ABTB2: variants seen among roughly 807,000 people sequenced by gnomAD.
ABTB2 encodes ankyrin repeat and BTB/POZ domain-containing protein 2.
ABTB2 carries 56 observed loss-of-function variants against 104.1 expected under a neutral mutation model. That is an observed-to-expected ratio of 0.54 (90% CI 0.43 to 0.67). The LOEUF (loss-of-function observed/expected upper bound fraction) is 0.67. Ranked by LOEUF, ABTB2 falls within the 30% of genes least tolerant of loss-of-function variation. The probability of loss-of-function intolerance (pLI) is 0.00; values close to 1 mark genes in which losing one functional copy is unlikely to be tolerated. For missense variants in ABTB2, 1,279 were observed against 1,407.7 expected (o/e 0.91, Z 1.46); for synonymous variants, 606 against 608.2 (o/e 1.00, Z 0.05).
At chr11:34,354,146 G>A (rs1333611603) in intron 1 of ABTB2, among the ~76,000 whole-genome samples, 2 of 152,206 alleles carry the variant, frequency 1.3e-5, no homozygotes, top group African/African-American at 4.8e-5. Flanking sequence ...CTAAGTGGAA[G>A]TGAATGGTCA....
chr11:34,260,160 T>C (rs150821606), intron 1 of ABTB2, among the ~76,000 whole-genome samples: 1,555 of 152,268 alleles, frequency 0.01, 28 homozygotes, highest in African/African-American at 0.036. Flanking sequence ...CTGGAATAAT[T>C]GCTTTCCTGG....
intron 1 of ABTB2, among the ~76,000 whole-genome samples, chr11:34,327,431 A>C (rs1350717332): frequency 6.6e-6 from 1 of 152,108 alleles, no homozygotes; most frequent in Non-Finnish European, 1.5e-5. Flanking sequence ...CCCCCTAGCC[A>C]CTTGAGGGCC....
intron 3 of ABTB2, among the ~76,000 whole-genome samples, chr11:34,179,824 T>C (rs1422211086): frequency 1.3e-5 from 2 of 152,188 alleles, no homozygotes; most frequent in Non-Finnish European, 2.9e-5. Flanking sequence ...ATGGCCTGGG[T>C]TGGAATCCAG....
At chr11:34,246,084 C>T (rs1853980266) in intron 1 of ABTB2, among the ~76,000 whole-genome samples, 1 of 152,200 alleles carries the variant, frequency 6.6e-6, no homozygotes, top group Non-Finnish European at 1.5e-5. Flanking sequence ...GGGCGTGGGG[C>T]CTGCTGGATC....
chr11:34,255,477 G>C (rs1468536287), intron 1 of ABTB2, among the ~76,000 whole-genome samples: 3 of 152,068 alleles, frequency 2.0e-5, no homozygotes, highest in Non-Finnish European at 4.4e-5. Flanking sequence ...TTAGAAAAGT[G>C]AGTCAGAAAT....
chr11:34,189,284 AAG>A (rs1332912881), intron 3 of ABTB2: 1 of 152,200 alleles, frequency 6.6e-6, no homozygotes, highest in Non-Finnish European at 1.5e-5. Context: ...AAGAAAAGAA[AAG>A]AGAAAAGAAA....
At chr11:34,243,988 TG>T (rs1367809337) in intron 1 of ABTB2, among the ~76,000 whole-genome samples, 3 of 152,264 alleles carry the variant, frequency 2.0e-5, no homozygotes, top group African/African-American at 7.2e-5. Context: ...GCTTTGTCTC[TG>T]AAGTCCAGAA....
intron 3 of ABTB2, among the ~76,000 whole-genome samples, chr11:34,189,847 C>G (rs1179095688): frequency 6.6e-6 from 1 of 152,216 alleles, no homozygotes; most frequent in African/African-American, 2.4e-5. Flanking sequence ...GCTGCTGCTT[C>G]TTACTGTGTA....
Position 34,356,848 on chromosome 11 carries a change from C to T in ABTB2, c.736G>A (p.Val246Met). The change falls in exon 1 of 17, where the codon GTG (valine) becomes ATG (methionine). Residue 246 changes from valine (V) to methionine (M), a missense_variant. Physicochemically the swap from Val to Met is conservative, Grantham distance 21. Transcript: ENST00000435224. The surrounding 1 kb of genome is among the most constrained non-coding windows in gnomAD (Gnocchi z 4.6). Reference protein sequence around the residue: ...ENLVEEIRARVMASHSPDGGG... With the variant: ...ENLVEEIRARMMASHSPDGGG... ...CCATCAGGGCTGTGGCTGGCCATCA[C>T]CCTGGCCCGGATCTCCTCCACCAGG... The T allele has an allele frequency of 1.2e-6, 2 of 1,605,100 alleles. No individual in the cohort carries two copies. Among genetic ancestry groups the T allele is most frequent in the Non-Finnish European group, 1.7e-6 (2 of 1,176,050 alleles).
At position 34,172,416 on chromosome 11, in the gene ABTB2, A is replaced by ATGTG. The variant is rs1420840744; in HGVS notation, c.1397+738_1397+739insCACA. Among the ~76,000 whole-genome samples the ATGTG allele has an allele frequency of 1.2e-3, 78 of 63,366 alleles. 4 individuals are homozygous for ATGTG. In the South Asian group the frequency reaches 0.025, roughly 21 times the overall value. 41.6% of individuals were successfully genotyped at this position (63,366 alleles called of 152,430 possible). A position where few individuals can be genotyped will look rare whatever the true frequency, so the allele number is the denominator to read the frequency against. ...AAAAAATATATATATATATATATAT[A>ATGTG]TATGTGTGTGTGTGTGTGTATATAG... On this transcript the variant is annotated intron_variant, in intron 4 of 16. Coordinates refer to ENST00000435224, the MANE Select transcript of ABTB2 (RefSeq NM_145804.3).
intron 1 of ABTB2, among the ~76,000 whole-genome samples, chr11:34,289,325 G>A (rs1035311646): frequency 3.3e-5 from 5 of 152,194 alleles, no homozygotes; most frequent in Non-Finnish European, 7.3e-5. Flanking sequence ...AATTTCAGGA[G>A]TTCGCCATGG....
intron 1 of ABTB2, among the ~76,000 whole-genome samples, chr11:34,345,629 A>C (rs10768060): frequency 6.6e-6 from 1 of 151,802 alleles, no homozygotes; most frequent in South Asian, 2.1e-4. Context: ...GGTGGGGGAC[A>C]TTGCGATGCC....
chr11:34,154,562 G>C lies in ABTB2; in HGVS notation c.2766+139C>G, dbSNP rs752028630. The C allele has an allele frequency of 1.5e-5, 14 of 935,842 alleles. No individual in the cohort carries two copies. Among genetic ancestry groups the C allele is most frequent in the Non-Finnish European group, 2.3e-5 (14 of 604,602 alleles). 58.0% of individuals were successfully genotyped at this position (935,842 alleles called of 1,614,324 possible). ...ACGCACTGAGGCTGGGCTCAGTGGTGTGCACAGTTCCTCTTTCTGGGAACT... is the reference window on the plus strand; with the variant it reads ...ACGCACTGAGGCTGGGCTCAGTGGTCTGCACAGTTCCTCTTTCTGGGAACT... On this transcript the variant is annotated intron_variant, in intron 15 of 16. Transcript: ENST00000435224. The surrounding 1 kb of genome is among the most constrained non-coding windows in gnomAD (Gnocchi z 4.9).
chr11:34,186,488 G>A (rs1433639845), intron 3 of ABTB2, among the ~76,000 whole-genome samples: 1 of 152,208 alleles, frequency 6.6e-6, no homozygotes. Flanking sequence ...ATTCCCTTTA[G>A]AGTTGGGAAT....
At chr11:34,230,391 G>A (rs991411060) in intron 1 of ABTB2, among the ~76,000 whole-genome samples, 3 of 152,196 alleles carry the variant, frequency 2.0e-5, no homozygotes, top group African/African-American at 7.2e-5. Flanking sequence ...ACCCAGACAA[G>A]TCCTCAGCCT....
At chr11:34,282,284 T>C (rs2133087495) in intron 1 of ABTB2, among the ~76,000 whole-genome samples, 1 of 152,250 alleles carries the variant, frequency 6.6e-6, no homozygotes, top group South Asian at 2.1e-4. Flanking sequence ...ATTAAGACCA[T>C]TGTAATATAG....
chr11:34,283,264 G>T (rs897747469), intron 1 of ABTB2, among the ~76,000 whole-genome samples: 1 of 152,048 alleles, frequency 6.6e-6, no homozygotes, highest in Non-Finnish European at 1.5e-5. Flanking sequence ...AACCCAGGCT[G>T]GAGTGCAGTG....
intron 3 of ABTB2, among the ~76,000 whole-genome samples, chr11:34,179,134 G>A (rs1259568604): frequency 2.0e-5 from 3 of 151,360 alleles, no homozygotes; most frequent in East Asian, 1.9e-4. Context: ...TTGTTTATGT[G>A]TGTTATTCTA....
intron 1 of ABTB2, among the ~76,000 whole-genome samples, chr11:34,239,775 A>G (rs564806085): frequency 6.6e-4 from 100 of 152,314 alleles, no homozygotes; most frequent in Admixed American, 6.2e-3. Context: ...TACAGGGAAC[A>G]CTGACATTTG....
Sources: gnomAD v4.1 joint callset for allele counts (sites outside exome capture counted in the v4.1 genomes callset) on GRCh38, gnomAD v4.1.1 for gene constraint, Gnocchi (gnomAD v3.1) non-coding constraint, MANE v1.5 for transcripts, NCBI Gene and HGNC (gene_info 2026-07-23, HGNC 2026-07-21) for gene names.